GRHPR: variants seen among roughly 807,000 people sequenced by gnomAD.
GRHPR encodes the protein glyoxylate and hydroxypyruvate reductase.
GRHPR carries 35 observed loss-of-function variants against 36.8 expected under a neutral mutation model. The ratio of observed to expected loss-of-function variants is 0.95; its 90% CI spans 0.73 to 1.26. The LOEUF (loss-of-function observed/expected upper bound fraction) is 1.26, where lower values mean the gene tolerates loss of function less well. Ranked by LOEUF, GRHPR falls within the 50% of genes most tolerant of loss-of-function variation. GRHPR has a pLI of 0.00. For synonymous variants in GRHPR, 179 were observed against 181.0 expected, an observed-to-expected ratio of 0.99 and a Z score of 0.09; for missense variants, 380 against 435.0, an observed-to-expected ratio of 0.87 and a Z score of 1.12.
At chr9:37,431,402 A>G (rs309457) in intron 7 of GRHPR, 192,379 of 291,174 alleles carry the variant, frequency 0.66, 64,739 homozygotes, top group East Asian at 0.87. Context: ...GGGTGCCTGC[A>G]TGTACCCAGG....
chr9:37,431,360 C>A, intron 7 of GRHPR: 1 of 312,354 alleles, frequency 3.2e-6, no homozygotes, highest in East Asian at 8.2e-5. Flanking sequence ...GCTCGCACTG[C>A]TGGCTGGCAG....
chr9:37,436,631 T>TCTCC (rs1349376588), intron 8 of GRHPR, 30 bp from the exon 9 acceptor site: 1 of 1,608,424 alleles, frequency 6.2e-7, no homozygotes. Context: ...ACCCTTCTTA[T>TCTCC]CTCCCTCTCT....
intron 4 of GRHPR, chr9:37,428,252 A>G (rs1197341916): frequency 5.1e-6 from 3 of 592,894 alleles, no homozygotes; most frequent in Non-Finnish European, 9.1e-6. Flanking sequence ...ACAGGATGAG[A>G]GCCAGTAAGG....
intron 8 of GRHPR, among the ~76,000 whole-genome samples, chr9:37,433,295 G>A (rs1823466824): frequency 6.8e-6 from 1 of 147,556 alleles, no homozygotes; most frequent in South Asian, 2.1e-4. Context: ...GTGCAGTGGT[G>A]CAATCTGAAC....
Position 37,430,541 on chromosome 9 carries a change from A to G in GRHPR, c.629A>G (p.Asp210Gly), listed in dbSNP as rs1179099908. ...VSTPELAAQS[D>G]FIVVACSLTP... ...ACCCCTGAGCTGGCTGCCCAATCTGATTTCATCGTCGTGGCCTGCTCCTTA... is the reference window on the plus strand; with the variant it reads ...ACCCCTGAGCTGGCTGCCCAATCTGGTTTCATCGTCGTGGCCTGCTCCTTA... Residue 210 changes from aspartate (D) to glycine (G), a missense_variant, in exon 7 of 9, where the codon GAT (aspartate) becomes GGT (glycine). Physicochemically the swap from Asp to Gly is moderately conservative, Grantham distance 94. Coordinates refer to ENST00000318158, the MANE Select transcript of GRHPR (RefSeq NM_012203.2). 6.2e-7 allele frequency: 1 copy of G among 1,613,712 alleles called. No homozygotes were observed. Among genetic ancestry groups the G allele is most frequent in the African/African-American group, 1.3e-5 (1 of 74,876 alleles).
At chr9:37,438,719 T>C (rs1158064626), downstream of GRHPR, 1 of 152,252 alleles carries the variant, frequency 6.6e-6, no homozygotes, top group Non-Finnish European at 1.5e-5. Context: ...CCCTACATCA[T>C]GTAAAGGGTG....
chr9:37,425,004 G>A, intron 2 of GRHPR, 29 bp downstream of exon 2: 1 of 1,607,678 alleles, frequency 6.2e-7, no homozygotes. Flanking sequence ...GGGGACTTGA[G>A]GGTGGCTTGG....
intron 5 of GRHPR, 79 bp from the exon 6 acceptor site, chr9:37,429,653 G>T (rs556158186): frequency 1.7e-5 from 16 of 925,794 alleles, no homozygotes; most frequent in Non-Finnish European, 2.7e-5. Context: ...TGCCCTGAGG[G>T]CCGCTGTTCC....
In GRHPR at chr9:37,428,491, T is replaced by C. The variant is rs746364242; in HGVS notation, c.412T>C (p.Trp138Arg). 6 of 1,608,798 alleles carry C rather than the reference T, an allele frequency of 3.7e-6. No homozygotes were observed. The South Asian group carries it at 6.6e-5, about 18-fold the overall frequency. Residue 138 changes from tryptophan to arginine, a missense_variant, in exon 5 of 9, where the codon TGG (tryptophan) becomes CGG (arginine). Transcript: ENST00000318158. Reference protein sequence around the residue: ...EAIEEVKNGGWTSWKPLWLCG... With the variant: ...EAIEEVKNGGRTSWKPLWLCG... ...CCCTCTCTCTCCCCTCAGTGGTGGC[T>C]GGACCTCGTGGAAGCCCCTCTGGCT...
chr9:37,435,508 A>G (rs145582246), intron 8 of GRHPR, among the ~76,000 whole-genome samples: 3 of 152,232 alleles, frequency 2.0e-5, no homozygotes, highest in Admixed American at 2.0e-4. Context: ...GTCCATGTTC[A>G]TGCTGGCTCT....
upstream of GRHPR, chr9:37,422,555 C>T (rs935520109): frequency 6.6e-5 from 42 of 639,864 alleles, no homozygotes; most frequent in East Asian, 1.1e-3. Flanking sequence ...TGTAGGGTCA[C>T]TGTTACTGTC....
chr9:37,433,946 T>A (rs908037241), intron 8 of GRHPR: 5 of 397,362 alleles, frequency 1.3e-5, no homozygotes, highest in Non-Finnish European at 2.2e-5. Flanking sequence ...CCTTGGAAAC[T>A]CTCCCGTCCC....
In GRHPR at chr9:37,426,006, T is replaced by G. The variant is rs1564297253; in HGVS notation, c.287+12T>G. The G allele has an allele frequency of 6.3e-7, 1 of 1,590,962 alleles. No individual in the cohort carries two copies. The highest frequency in any genetic ancestry group is 8.6e-7 in the Non-Finnish European group (1 of 1,159,020). On this transcript the variant is annotated intron_variant, in intron 3 of 8. Coordinates refer to ENST00000318158, the MANE Select transcript of GRHPR (RefSeq NM_012203.2). ...GAAATCAAGAAGCGGTAACTGCAGC[T>G]TGGGATCTGGAGGGGGCCTAGAGAG...
Position 37,436,834 on chromosome 9 carries a change from A to C in GRHPR, c.*52A>C, listed in dbSNP as rs773945388. ...AAGCAAACCGTGCCCTGGTATTGTCAGACACACCCAGGCTTGATTTGGATC... is the reference window on the plus strand; with the variant it reads ...AAGCAAACCGTGCCCTGGTATTGTCCGACACACCCAGGCTTGATTTGGATC... On this transcript the variant is annotated 3_prime_UTR_variant, in exon 9 of 9. Coordinates refer to ENST00000318158, the MANE Select transcript of GRHPR (RefSeq NM_012203.2). The C allele has an allele frequency of 9.4e-6, 15 of 1,601,804 alleles. No individual in the cohort carries two copies. The highest frequency in any genetic ancestry group is 1.3e-5 in the Non-Finnish European group (15 of 1,169,172).
intron 1 of GRHPR, 123 bp downstream of exon 1, chr9:37,422,956 A>G (rs1822906313): frequency 5.8e-6 from 4 of 694,372 alleles, no homozygotes; most frequent in African/African-American, 3.6e-5. Flanking sequence ...GTCTCGGAGA[A>G]AGTTCTCTGG....
chr9:37,434,134 C>A, intron 8 of GRHPR: 1 of 398,742 alleles, frequency 2.5e-6, no homozygotes, highest in Middle Eastern at 6.3e-4. Context: ...AAGCTGCAGC[C>A]GCCACCGCTG....
chr9:37,422,758 C>A lies in GRHPR; in HGVS notation c.8C>A (p.Pro3Gln). The A allele has an allele frequency of 6.3e-7, 1 of 1,586,970 alleles. No homozygotes were observed. Among genetic ancestry groups the A allele is most frequent in the East Asian group, 2.3e-5 (1 of 43,040 alleles). MR[P>Q]VRLMKVFVTR... ...TCGGCGGCTGCACTGCGGATGAGACCGGTGCGACTCATGAAGGTGTTCGTC... is the reference window on the plus strand; with the variant it reads ...TCGGCGGCTGCACTGCGGATGAGACAGGTGCGACTCATGAAGGTGTTCGTC... Residue 3 changes from proline to glutamine, a missense_variant, in exon 1 of 9, where the codon CCG (proline) becomes CAG (glutamine). Pro to Gln is a moderately conservative substitution (Grantham distance 76). Coordinates refer to ENST00000318158, the MANE Select transcript of GRHPR (RefSeq NM_012203.2).
At chr9:37,432,316 C>G in intron 8 of GRHPR, 178 bp downstream of exon 8, 2 of 640,436 alleles carry the variant, frequency 3.1e-6, no homozygotes, top group South Asian at 1.6e-5. Flanking sequence ...AGGAGCAGTC[C>G]TCTTGCGCAT....
chr9:37,438,126 T>G (rs901739774), downstream of GRHPR: 9 of 152,444 alleles, frequency 5.9e-5, no homozygotes, highest in African/African-American at 2.2e-4. Context: ...TATGACAAAT[T>G]TTTTATTTCA....
Sources: allele counts gnomAD v4.1 joint callset (sites outside exome capture counted in the v4.1 genomes callset), GRCh38; gene constraint gnomAD v4.1.1; transcripts MANE v1.5; gene names NCBI Gene and HGNC (gene_info 2026-07-23, HGNC 2026-07-21).